NUP93: variants seen among roughly 807,000 people sequenced by gnomAD.
The protein encoded by NUP93 is nucleoporin 93, also known as nuclear pore complex protein Nup93.
Under a neutral mutation model 107.8 loss-of-function variants are expected in NUP93, and 55 were observed. That is an observed-to-expected ratio of 0.51 (90% CI 0.41 to 0.64). The LOEUF is 0.64. NUP93 is among the 30% of genes least tolerant of loss of function. The pLI is 0.00. For synonymous variants in NUP93, 390 were observed against 397.5 expected, an observed-to-expected ratio of 0.98 and a Z score of 0.22; for missense variants, 937 against 1,044.7, an observed-to-expected ratio of 0.90 and a Z score of 1.42.
intron 4 of NUP93, among the ~76,000 whole-genome samples, chr16:56,804,555 GT>G (rs1963091079): frequency 6.6e-6 from 1 of 152,064 alleles, no homozygotes; most frequent in South Asian, 2.1e-4. Context: ...CTAAGAGATG[GT>G]GGTGATGATT....
Position 56,849,395 on chromosome 16 carries a change from A to G in NUP93, c.*4786A>G, listed in dbSNP as rs1276539284. On this transcript the variant is annotated 3_prime_UTR_variant, in exon 22 of 22. Transcript: ENST00000308159. ...AGCTCTGCGCTAGCACAATCTGTACACCTGGCTGCCTTTGCCCTTGAGCTT... is the reference window on the plus strand; with the variant it reads ...AGCTCTGCGCTAGCACAATCTGTACGCCTGGCTGCCTTTGCCCTTGAGCTT... 1 of 152,262 alleles carries G rather than the reference A, an allele frequency of 6.6e-6. No individual in the cohort carries two copies. The highest frequency in any genetic ancestry group is 2.4e-5 in the African/African-American group (1 of 41,470). The allele number at this position is 152,262 out of a possible 1,614,324, so 9.4% of individuals were successfully genotyped here. A position where few individuals can be genotyped will look rare whatever the true frequency, so the allele number is the denominator to read the frequency against.
intron 3 of NUP93, among the ~76,000 whole-genome samples, 190 bp downstream of exon 3, chr16:56,758,845 CTGTG>C (rs1374395882): frequency 2.0e-5 from 3 of 152,228 alleles, no homozygotes; most frequent in Non-Finnish European, 4.4e-5. Context: ...TCAGAGCTCT[CTGTG>C]TGGCTGAATT....
At chr16:56,755,675 C>T (rs1211632735) in intron 2 of NUP93, among the ~76,000 whole-genome samples, 5 of 152,058 alleles carry the variant, frequency 3.3e-5, no homozygotes, top group African/African-American at 1.2e-4. Context: ...TGGAGTTCAA[C>T]CCCAGCTTGG....
chr16:56,794,090 GTAGATAGA>G (rs369592998), intron 3 of NUP93, among the ~76,000 whole-genome samples: 130 of 76,058 alleles, frequency 1.7e-3, no homozygotes, highest in Middle Eastern at 7.4e-3. Context: ...AGGTAGGTAG[GTAGATAGA>G]TAGATAGATA....
At chr16:56,730,267 AC>A (rs1218696410) in intron 1 of NUP93, 56 bp downstream of exon 1, 2 of 152,088 alleles carry the variant, frequency 1.3e-5, no homozygotes, top group Non-Finnish European at 2.9e-5. Context: ...TGAACCCAGG[AC>A]CCCGTGACTG....
rs774194911 is a variant in NUP93, at chr16:56,839,015, C to T, written c.2082C>T (p.Asp694=). 3 of 1,614,066 alleles carry T rather than the reference C, an allele frequency of 1.9e-6. No homozygotes were observed. Among genetic ancestry groups the T allele is most frequent in the Non-Finnish European group, 1.7e-6 (2 of 1,179,966 alleles). The change falls in exon 19 of 22, where the codon GAC becomes GAT. Residue 694 remains aspartate (D), a synonymous_variant. Transcript: ENST00000308159. The stretch of plus-strand genomic sequence containing the variant: ...ACTCCACGTTCTATCTTCTTTTGGA[C>T]TTGATCACCTTTTTTGACGAGTATC... The part of the protein sequence containing the change: ...FVDSTFYLLL[D]LITFFDEYHS...
At chr16:56,738,172 C>A (rs1406634516) in intron 1 of NUP93, among the ~76,000 whole-genome samples, 1 of 152,192 alleles carries the variant, frequency 6.6e-6, no homozygotes, top group Non-Finnish European at 1.5e-5. Flanking sequence ...TTAGAGATCA[C>A]CTGAGCAACC....
At chr16:56,794,148 A>C (rs1161220958) in intron 3 of NUP93, among the ~76,000 whole-genome samples, 2 of 152,318 alleles carry the variant, frequency 1.3e-5, no homozygotes, top group East Asian at 3.9e-4. Context: ...TTATTTTTAA[A>C]AATATTTTGA....
At chr16:56,786,756 C>T (rs1472139347) in intron 3 of NUP93, among the ~76,000 whole-genome samples, 1 of 152,200 alleles carries the variant, frequency 6.6e-6, no homozygotes, top group East Asian at 1.9e-4. Flanking sequence ...AGGATGGAGC[C>T]AGGCATTCTG....
At chr16:56,757,510 C>T (rs550326515) in intron 2 of NUP93, among the ~76,000 whole-genome samples, 2 of 152,088 alleles carry the variant, frequency 1.3e-5, no homozygotes, top group Non-Finnish European at 2.9e-5. Context: ...CCCCACCCCA[C>T]CACTACACTA....
intron 16 of NUP93, among the ~76,000 whole-genome samples, chr16:56,836,128 CAAAAAA>C (rs766959511): frequency 4.2e-5 from 4 of 94,718 alleles, no homozygotes; most frequent in African/African-American, 1.6e-4. Flanking sequence ...GACTCTGTCT[CAAAAAA>C]AAAAAAAAAG....
At position 56,768,603 on chromosome 16, in the gene NUP93, C is replaced by G. The variant is rs530949291; in HGVS notation, c.297+9948C>G. Among the ~76,000 whole-genome samples the G allele has an allele frequency of 3.3e-5, 5 of 151,142 alleles. No homozygotes were observed. The East Asian group carries it at 7.8e-4, about 24-fold the overall frequency. On this transcript the variant is annotated intron_variant, in intron 3 of 21. Coordinates refer to ENST00000308159, the MANE Select transcript of NUP93 (RefSeq NM_014669.5). Reference sequence around the variant, plus strand: ...TTTTTTTTGGCCAGGTGTGGTGGCTCACGCCTGTAATCCCAGCACTTTGGA... The same window carrying G: ...TTTTTTTTGGCCAGGTGTGGTGGCTGACGCCTGTAATCCCAGCACTTTGGA...
chr16:56,803,593 C>T (rs149442788), intron 4 of NUP93, among the ~76,000 whole-genome samples: 40 of 151,954 alleles, frequency 2.6e-4, no homozygotes, highest in African/African-American at 7.2e-4. Context: ...CTATGACATA[C>T]GATCTAATTT....
At chr16:56,830,173 C>T (rs1278773578) in intron 9 of NUP93, among the ~76,000 whole-genome samples, 2 of 152,162 alleles carry the variant, frequency 1.3e-5, no homozygotes, top group African/African-American at 2.4e-5. Flanking sequence ...TGTAGGAGTG[C>T]ATGTGTGTAT....
chr16:56,757,547 A>G (rs968810251), intron 2 of NUP93, among the ~76,000 whole-genome samples: 10 of 152,162 alleles, frequency 6.6e-5, no homozygotes, highest in East Asian at 1.9e-4. Context: ...TCTTTTTTAC[A>G]GAGAGTGTTC....
At position 56,826,514 on chromosome 16, in the gene NUP93, T is replaced by TA. The variant is rs35715417; in HGVS notation, c.795-2445dup. On this transcript the variant is annotated intron_variant, in intron 8 of 21. Coordinates refer to ENST00000308159, the MANE Select transcript of NUP93 (RefSeq NM_014669.5). ...CTGGGCAACAAAGCAAGACTCCGTC[T>TA]AAAAAAAAAAAAAAAAAACAACTTC... 6.7e-3 allele frequency among the ~76,000 whole-genome samples: 863 copies of TA among 128,196 alleles called. 4 individuals are homozygous for TA. The highest frequency in any genetic ancestry group is 0.01 in the East Asian group (44 of 4,382). The allele number at this position is 128,196 out of a possible 152,430, so 84.1% of individuals were successfully genotyped here. A position where few individuals can be genotyped will look rare whatever the true frequency, so the allele number is the denominator to read the frequency against.
chr16:56,837,789 G>A, intron 18 of NUP93, 63 bp downstream of exon 18: 1 of 1,238,638 alleles, frequency 8.1e-7, no homozygotes, highest in Non-Finnish European at 1.2e-6. Flanking sequence ...GGCCACCTAT[G>A]CCCACCCAAA....
intron 8 of NUP93, 135 bp from the exon 9 acceptor site, chr16:56,828,842 A>G (rs1344729826): frequency 2.3e-5 from 19 of 810,834 alleles, no homozygotes; most frequent in African/African-American, 3.5e-5. Context: ...AGCATGTACT[A>G]TTTCCTCTTC....
chr16:56,781,875 G>C, intron 3 of NUP93: 1 of 985,356 alleles, frequency 1.0e-6, no homozygotes, highest in Non-Finnish European at 1.2e-6. Flanking sequence ...TGACTTCTCT[G>C]AATTTGTGTA....
Sources: gnomAD v4.1 joint callset for allele counts (sites outside exome capture counted in the v4.1 genomes callset) on GRCh38, gnomAD v4.1.1 for gene constraint, MANE v1.5 for transcripts, NCBI Gene and HGNC (gene_info 2026-07-23, HGNC 2026-07-21) for gene names.